The following CWC27 variants were observed in gnomAD, a reference collection of about 807,000 sequenced individuals.
CWC27 encodes the protein spliceosome-associated protein CWC27 homolog.
Under a neutral mutation model 63.6 loss-of-function variants are expected in CWC27, and 47 were observed. The observed-to-expected ratio is 0.74, with a 90% CI of 0.58 to 0.94. The LOEUF is 0.94. Ranked by LOEUF, CWC27 falls within the 40% of genes least tolerant of loss-of-function variation. CWC27 has a pLI of 0.00. For synonymous variants in CWC27, 175 were observed against 179.8 expected (o/e 0.97, Z 0.22); for missense variants, 495 against 554.3 (o/e 0.89, Z 1.07).
At chr5:64,927,945 A>G (rs1037573036) in intron 11 of CWC27, among the ~76,000 whole-genome samples, 6 of 152,182 alleles carry the variant, frequency 3.9e-5, no homozygotes, top group Non-Finnish European at 8.8e-5. Flanking sequence ...ACCTGAGGTC[A>G]GGAGTTCGAG....
At position 64,861,151 on chromosome 5, in the gene CWC27, T is replaced by C. The variant is rs571021954; in HGVS notation, c.939-24292T>C. 1.4e-3 allele frequency among the ~76,000 whole-genome samples: 217 copies of C among 152,286 alleles called. 1 individual carries two copies. The highest frequency in any genetic ancestry group is 1.9e-3 in the Non-Finnish European group (132 of 68,018). Reference sequence around the variant, plus strand: ...GTTCTCCATGTGTGGCTTTTCCATGTGCTACCTTTGGTTTTTTCACAACAT... The same window carrying C: ...GTTCTCCATGTGTGGCTTTTCCATGCGCTACCTTTGGTTTTTTCACAACAT... On this transcript the variant is annotated intron_variant, in intron 10 of 13. Transcript: ENST00000381070.
intron 11 of CWC27, among the ~76,000 whole-genome samples, chr5:64,928,184 C>T (rs1414507045): frequency 6.6e-6 from 1 of 151,890 alleles, no homozygotes; most frequent in Non-Finnish European, 1.5e-5. Flanking sequence ...AACAGTCACC[C>T]ACATTCACTG....
At chr5:64,842,693 A>G (rs1251926180) in intron 10 of CWC27, among the ~76,000 whole-genome samples, 3 of 151,778 alleles carry the variant, frequency 2.0e-5, no homozygotes, top group Non-Finnish European at 2.9e-5. Context: ...TCCGCTTCCC[A>G]GGCTCAAGCA....
chr5:64,800,023 G>A (rs1744432427), intron 7 of CWC27, among the ~76,000 whole-genome samples: 1 of 151,992 alleles, frequency 6.6e-6, no homozygotes, highest in Non-Finnish European at 1.5e-5. Context: ...TCTTTTAAAT[G>A]ATATATCATT....
intron 13 of CWC27, among the ~76,000 whole-genome samples, chr5:65,016,470 A>G (rs889662498): frequency 1.3e-5 from 2 of 152,090 alleles, no homozygotes; most frequent in African/African-American, 4.8e-5. Flanking sequence ...ATCTCATCTC[A>G]AAAATAATAA....
chr5:64,796,772 CTTT>C (rs1163436419), intron 7 of CWC27, among the ~76,000 whole-genome samples: 4 of 70,172 alleles, frequency 5.7e-5, no homozygotes, highest in African/African-American at 2.7e-4. Context: ...TCCCTCCCTC[CTTT>C]TCCTTCTTCC....
intron 11 of CWC27, among the ~76,000 whole-genome samples, chr5:64,926,862 C>T (rs1430048632): frequency 1.3e-5 from 2 of 152,130 alleles, no homozygotes; most frequent in South Asian, 2.1e-4. Context: ...TGTTCCTAAA[C>T]AATGGTGAGT....
chr5:64,946,873 T>G (rs534934637), intron 11 of CWC27, among the ~76,000 whole-genome samples: 1 of 152,198 alleles, frequency 6.6e-6, no homozygotes, highest in South Asian at 2.1e-4. Context: ...ATTACTGTTC[T>G]TCTAATGGTT....
intron 13 of CWC27, among the ~76,000 whole-genome samples, chr5:65,010,441 C>T (rs1333361056): frequency 6.6e-6 from 1 of 152,184 alleles, no homozygotes; most frequent in Non-Finnish European, 1.5e-5. Context: ...AAACTTAAAT[C>T]AGATTCATTA....
chr5:64,788,495 A>T (rs1207468971), intron 6 of CWC27, among the ~76,000 whole-genome samples: 1 of 151,864 alleles, frequency 6.6e-6, no homozygotes, highest in Non-Finnish European at 1.5e-5. Context: ...TTTTTGTCTG[A>T]CAATTTTGTA....
intron 12 of CWC27, among the ~76,000 whole-genome samples, chr5:64,972,025 A>C (rs1418886162): frequency 6.6e-6 from 1 of 152,208 alleles, no homozygotes; most frequent in East Asian, 1.9e-4. Context: ...AAAGCCTGGA[A>C]CTTCCACGTT....
chr5:64,997,995 T>C (rs1192697254), intron 13 of CWC27, among the ~76,000 whole-genome samples: 2 of 152,176 alleles, frequency 1.3e-5, no homozygotes, highest in Non-Finnish European at 2.9e-5. Context: ...CGTGGTCCTT[T>C]ATAAATAGGT....
chr5:64,787,235 TG>T (rs1743920333), intron 6 of CWC27, among the ~76,000 whole-genome samples: 1 of 152,108 alleles, frequency 6.6e-6, no homozygotes, highest in Admixed American at 6.6e-5. Context: ...TTTGTTTGTT[TG>T]TTTGTTTGTT....
chr5:64,867,713 A>T (rs1746562883), intron 10 of CWC27, among the ~76,000 whole-genome samples: 1 of 152,108 alleles, frequency 6.6e-6, no homozygotes, highest in Admixed American at 6.6e-5. Flanking sequence ...ACCTGACCTC[A>T]TGTGTGAAGT....
chr5:64,783,945 A>G lies in CWC27; in HGVS notation c.362A>G (p.Asp121Gly). ...TTTTTCTTCACACTGGGTCGAGCAG[A>G]TGAACTTAACAATAAGCATACCATC... ...SQFFFTLGRA[D>G]ELNNKHTIFG... is the part of the protein sequence containing the mutation. Residue 121 changes from aspartate (D) to glycine (G), a missense_variant, in exon 4 of 14, where the codon GAT (aspartate) becomes GGT (glycine). Coordinates refer to ENST00000381070, the MANE Select transcript of CWC27 (RefSeq NM_005869.4). 1 of 1,598,142 alleles carries G rather than the reference A, an allele frequency of 6.3e-7. No homozygotes were observed. The highest frequency in any genetic ancestry group is 8.5e-7 in the Non-Finnish European group (1 of 1,173,008).
intron 11 of CWC27, among the ~76,000 whole-genome samples, chr5:64,931,284 T>C (rs894033408): frequency 1.3e-5 from 2 of 151,896 alleles, no homozygotes; most frequent in African/African-American, 2.4e-5. Context: ...AAAAAATTAA[T>C]ATATATTTAT....
chr5:65,014,017 T>C (rs1750008673), intron 13 of CWC27, among the ~76,000 whole-genome samples: 1 of 151,966 alleles, frequency 6.6e-6, no homozygotes. Flanking sequence ...CTTTAAAAAC[T>C]GGATAAGAAG....
chr5:64,800,229 T>G lies in CWC27; in HGVS notation c.670-19T>G. Reference sequence around the variant, plus strand: ...CTGTTTATTTCCCCCCTCATGATTATATTGTACATTCTTTGCAGAGCATGA... The same window carrying G: ...CTGTTTATTTCCCCCCTCATGATTAGATTGTACATTCTTTGCAGAGCATGA... On this transcript the variant is annotated intron_variant, in intron 7 of 13. Transcript: ENST00000381070. 6.4e-7 allele frequency: 1 copy of G among 1,551,130 alleles called. No individual in the cohort carries two copies. Among genetic ancestry groups the G allele is most frequent in the Non-Finnish European group, 8.9e-7 (1 of 1,126,646 alleles).
chr5:64,939,775 C>G lies in CWC27; in HGVS notation c.1043-31928C>G, dbSNP rs114307038. 3.8e-3 allele frequency among the ~76,000 whole-genome samples: 582 copies of G among 152,352 alleles called. 2 individuals carry two copies. The highest frequency in any genetic ancestry group is 0.012 in the African/African-American group (502 of 41,584). On this transcript the variant is annotated intron_variant, in intron 11 of 13. Coordinates refer to ENST00000381070, the MANE Select transcript of CWC27 (RefSeq NM_005869.4). ...AGATGGGAGTTTTATCTATAATCCC[C>G]TGAATGGGACCGCTGCCTTTCTTTC...
Sources: allele counts gnomAD v4.1 joint callset (sites outside exome capture counted in the v4.1 genomes callset), GRCh38; gene constraint gnomAD v4.1.1; transcripts MANE v1.5; gene names NCBI Gene and HGNC (gene_info 2026-07-23, HGNC 2026-07-21).